ZNF385D: variants seen among roughly 807,000 people sequenced by gnomAD.
The protein encoded by ZNF385D is zinc finger protein 659.
A neutral mutation model predicts 35.8 loss-of-function variants in ZNF385D; 15 were observed. The ratio of observed to expected loss-of-function variants is 0.42; its 90% CI spans 0.28 to 0.64. The LOEUF (loss-of-function observed/expected upper bound fraction) is 0.64, where lower values mean the gene tolerates loss of function less well. Ranked by LOEUF, ZNF385D falls within the 30% of genes least tolerant of loss-of-function variation. The pLI is 0.23. For missense variants in ZNF385D, 474 were observed against 494.6 expected (o/e 0.96, Z 0.39); for synonymous variants, 212 against 186.8 (o/e 1.13, Z -1.10).
intron 3 of ZNF385D, among the ~76,000 whole-genome samples, chr3:21,967,793 T>C (rs191816072): frequency 4.6e-5 from 7 of 152,292 alleles, no homozygotes; most frequent in African/African-American, 7.2e-5. Flanking sequence ...CTAAAAGAGA[T>C]TGGGAGGAAG....
At chr3:21,665,276 T>C (rs541763792) in intron 1 of ZNF385D, among the ~76,000 whole-genome samples, 1 of 152,320 alleles carries the variant, frequency 6.6e-6, no homozygotes, top group East Asian at 1.9e-4. Context: ...ACATTTCAAA[T>C]GCCCCAACCT....
intron 2 of ZNF385D, among the ~76,000 whole-genome samples, chr3:21,602,512 A>ATTTTTTTTTTTTTTTTTTTT (rs199882061): frequency 2.6e-4 from 23 of 90,174 alleles, no homozygotes; most frequent in Non-Finnish European, 3.6e-4. Context: ...GTTTCCCTGC[A>ATTTTTTTTTTTTTTTTTTTT]TTTTCTTTTT....
chr3:21,810,371 G>T (rs909405076), intron 3 of ZNF385D, among the ~76,000 whole-genome samples: 1 of 150,912 alleles, frequency 6.6e-6, no homozygotes, highest in Non-Finnish European at 1.5e-5. Flanking sequence ...TCTGGGGCCT[G>T]TCGGGGGTGG....
chr3:21,451,203 T>G (rs1444731381), intron 4 of ZNF385D, among the ~76,000 whole-genome samples: 2 of 152,082 alleles, frequency 1.3e-5, no homozygotes, highest in African/African-American at 4.8e-5. Context: ...TCTCTATCTT[T>G]GAAGGTACTA....
At chr3:22,041,911 A>T (rs547143189) in intron 3 of ZNF385D, among the ~76,000 whole-genome samples, 1 of 152,184 alleles carries the variant, frequency 6.6e-6, no homozygotes, top group Admixed American at 6.6e-5. Context: ...AAAGAATTTC[A>T]TAGGGAAAGA....
At position 21,539,197 on chromosome 3, in the gene ZNF385D, T is replaced by A. The variant is rs1052069257; in HGVS notation, c.276+25377A>T. On this transcript the variant is annotated intron_variant, in intron 3 of 7. Coordinates refer to ENST00000281523, the MANE Select transcript of ZNF385D (RefSeq NM_024697.3). This position sits in a 1 kb window ranked among gnomAD's most constrained non-coding sequence, Gnocchi z 4.0. ...AGGAAGATTCAAGACCACAGAGACA[T>A]CAGTGAGCCAGTCTGAATGTTTAGT... Among the ~76,000 whole-genome samples the A allele has an allele frequency of 6.6e-6, 1 of 151,774 alleles. No homozygotes were observed. The highest frequency in any genetic ancestry group is 2.4e-5 in the African/African-American group (1 of 41,426).
chr3:21,993,685 T>G (rs1460318157), intron 3 of ZNF385D, among the ~76,000 whole-genome samples: 1 of 152,124 alleles, frequency 6.6e-6, no homozygotes. Context: ...GAAAATTAAG[T>G]TTTGCTGGGA....
chr3:22,277,636 A>T (rs1701495058), intron 2 of ZNF385D, among the ~76,000 whole-genome samples: 2 of 152,164 alleles, frequency 1.3e-5, no homozygotes, highest in Admixed American at 1.3e-4. Flanking sequence ...CATGAAACTC[A>T]TAATATTATG....
chr3:21,943,318 G>GTA (rs1374448432), intron 3 of ZNF385D, among the ~76,000 whole-genome samples: 6 of 151,110 alleles, frequency 4.0e-5, no homozygotes, highest in Admixed American at 1.3e-4. Context: ...GTATATATAT[G>GTA]TATATATATA....
chr3:21,838,568 C>G (rs2630795), intron 3 of ZNF385D, among the ~76,000 whole-genome samples: 95,119 of 151,868 alleles, frequency 0.63, 30,397 homozygotes, highest in African/African-American at 0.74. Context: ...AAAACAATAG[C>G]GGCTTTGAGT....
chr3:21,625,873 A>C (rs1575347007), intron 2 of ZNF385D, among the ~76,000 whole-genome samples: 3 of 152,226 alleles, frequency 2.0e-5, no homozygotes, highest in Admixed American at 2.0e-4. Context: ...GTGCTGCCAA[A>C]GTAGTCAAAG....
chr3:22,150,673 T>C (rs931357805), intron 3 of ZNF385D, among the ~76,000 whole-genome samples: 2 of 152,182 alleles, frequency 1.3e-5, no homozygotes, highest in Non-Finnish European at 2.9e-5. Context: ...AGTTAAGATA[T>C]CTTATCTAGC....
At position 21,699,576 on chromosome 3, in the gene ZNF385D, G is replaced by C. The variant is rs77120445; in HGVS notation, c.23-34548C>G. Among the ~76,000 whole-genome samples, 602 of 152,192 alleles carry C rather than the reference G, an allele frequency of 4.0e-3. 3 individuals are homozygous for C. Among genetic ancestry groups the C allele is most frequent in the Admixed American group, 6.1e-3 (93 of 15,284 alleles). ...GAGATGCATTCTACATGTAAACAGAGTGTATTTACCAGATGCACTCTAAAT... is the reference window on the plus strand; with the variant it reads ...GAGATGCATTCTACATGTAAACAGACTGTATTTACCAGATGCACTCTAAAT... On this transcript the variant is annotated intron_variant, in intron 1 of 7. Coordinates refer to ENST00000281523, the MANE Select transcript of ZNF385D (RefSeq NM_024697.3).
intron 3 of ZNF385D, among the ~76,000 whole-genome samples, chr3:22,058,405 G>C (rs924799316): frequency 6.6e-6 from 1 of 152,152 alleles, no homozygotes; most frequent in African/African-American, 2.4e-5. Context: ...TGTTTAAAAG[G>C]ACTGGAGAAT....
chr3:21,891,461 G>A (rs192095171), intron 3 of ZNF385D, among the ~76,000 whole-genome samples: 1 of 152,192 alleles, frequency 6.6e-6, no homozygotes, highest in Non-Finnish European at 1.5e-5. Context: ...TTTCTGAATG[G>A]CCTTATCATT....
intron 3 of ZNF385D, among the ~76,000 whole-genome samples, chr3:21,947,674 T>C (rs1701860720): frequency 1.3e-5 from 2 of 152,174 alleles, no homozygotes; most frequent in African/African-American, 2.4e-5. Flanking sequence ...AATTGGTCAT[T>C]TGCATGACTA....
intron 3 of ZNF385D, among the ~76,000 whole-genome samples, chr3:22,085,208 G>C (rs1328053471): frequency 1.3e-5 from 2 of 152,024 alleles, no homozygotes; most frequent in East Asian, 3.9e-4. Context: ...GCTAGCAGAA[G>C]ACAATAAATA....
At chr3:21,693,703 A>AT (rs1469720869) in intron 1 of ZNF385D, among the ~76,000 whole-genome samples, 1 of 152,126 alleles carries the variant, frequency 6.6e-6, no homozygotes, top group Admixed American at 6.5e-5. Context: ...CCTATTGACT[A>AT]TTTTTAAAGG....
intron 3 of ZNF385D, among the ~76,000 whole-genome samples, chr3:22,126,769 G>T (rs1425490159): frequency 1.3e-5 from 2 of 152,082 alleles, no homozygotes; most frequent in Non-Finnish European, 2.9e-5. Context: ...GCCCAATGCT[G>T]AAAGTGGAAT....
Sources: allele counts gnomAD v4.1 joint callset (sites outside exome capture counted in the v4.1 genomes callset), GRCh38; gene constraint gnomAD v4.1.1; non-coding constraint Gnocchi (gnomAD v3.1); transcripts MANE v1.5; gene names NCBI Gene and HGNC (gene_info 2026-07-23, HGNC 2026-07-21).